The following SFRP1 variants were observed in gnomAD, a reference collection of about 807,000 sequenced individuals.
The protein encoded by SFRP1 is secreted frizzled-related protein 1.
In SFRP1, 9 loss-of-function variants were observed where a neutral mutation model predicts 25.9. The observed-to-expected ratio is 0.35, with a 90% CI of 0.21 to 0.61. The LOEUF (loss-of-function observed/expected upper bound fraction) is 0.61, where lower values mean the gene tolerates loss of function less well. Among genes scored for constraint, SFRP1 ranks in the 20% least tolerant of loss-of-function variants. The pLI is 0.78. For synonymous variants in SFRP1, 178 were observed against 174.0 expected, an observed-to-expected ratio of 1.02 and a Z score of -0.18; for missense variants, 346 against 418.2, an observed-to-expected ratio of 0.83 and a Z score of 1.51.
intron 2 of SFRP1, among the ~76,000 whole-genome samples, chr8:41,276,515 C>T (rs762919101): frequency 1.3e-5 from 2 of 152,186 alleles, no homozygotes; most frequent in Admixed American, 6.5e-5. Context: ...ATCATTAATT[C>T]GTTTAGCAGA....
intron 2 of SFRP1, among the ~76,000 whole-genome samples, chr8:41,292,939 G>A (rs994011370): frequency 2.6e-5 from 4 of 152,322 alleles, no homozygotes; most frequent in Admixed American, 2.0e-4. Context: ...TCAGCTCTTA[G>A]TGCCTCTACA....
chr8:41,308,462 G>A lies in SFRP1; in HGVS notation c.544+154C>T, dbSNP rs1804025661. ...ACCTGGGACAGACCAGACGCGCTTA[G>A]GAATCACGTGCACAGCATGCGAGCA... On this transcript the variant is annotated intron_variant, in intron 1 of 2. Transcript: ENST00000220772. 1.3e-5 allele frequency among the ~76,000 whole-genome samples: 2 copies of A among 152,354 alleles called. 1 individual carries two copies. The highest frequency in any genetic ancestry group is 2.9e-5 in the Non-Finnish European group (2 of 68,040).
At position 41,309,094 on chromosome 8, in the gene SFRP1, G is replaced by A; in HGVS notation, c.66C>T (p.Gly22=). Residue 22 remains glycine (G), a synonymous_variant, in exon 1 of 3, where the codon GGC becomes GGT. Transcript: ENST00000220772. The part of the protein sequence containing the change: ...GAALGVLLAL[G]AALLAVGSAS... ...CCGAGCCCACGGCCAGAAGCGCCGC[G>A]CCCAGCGCCAGCAGCACGCCCAGGG... 1 of 1,579,952 alleles carries A rather than the reference G, an allele frequency of 6.3e-7. No individual in the cohort carries two copies. Among genetic ancestry groups the A allele is most frequent in the Non-Finnish European group, 8.5e-7 (1 of 1,171,240 alleles).
intron 2 of SFRP1, among the ~76,000 whole-genome samples, chr8:41,274,721 T>C (rs1803551073): frequency 6.6e-6 from 1 of 152,246 alleles, no homozygotes; most frequent in Non-Finnish European, 1.5e-5. Context: ...GGAAGGGAAC[T>C]GCATGCAGTT....
chr8:41,308,178 T>C (rs1804021869), intron 1 of SFRP1, among the ~76,000 whole-genome samples: 1 of 152,276 alleles, frequency 6.6e-6, no homozygotes, highest in African/African-American at 2.4e-5. Flanking sequence ...CTGAACTTTC[T>C]ACGCTTTGGG....
chr8:41,296,782 C>T (rs542689999), intron 2 of SFRP1, among the ~76,000 whole-genome samples: 5 of 152,154 alleles, frequency 3.3e-5, no homozygotes, highest in African/African-American at 4.8e-5. Context: ...AAAAGGAGAA[C>T]GCGTTAGGTA....
At position 41,279,775 on chromosome 8, in the gene SFRP1, C is replaced by CAAA. The variant is rs34101728; in HGVS notation, c.623-14289_623-14287dup. Among the ~76,000 whole-genome samples, 694 of 111,360 alleles carry CAAA rather than the reference C, an allele frequency of 6.2e-3. 7 individuals carry two copies. The highest frequency in any genetic ancestry group is 0.018 in the African/African-American group (630 of 34,186). The allele number at this position is 111,360 out of a possible 152,430, so 73.1% of individuals were successfully genotyped here. On this transcript the variant is annotated intron_variant, in intron 2 of 2. Transcript: ENST00000220772. ...GTTCCAAAGTACAAAGCTAAGAAAG[C>CAAA]AAAAAAAAAAAAAAACCTATGTCCA...
At chr8:41,293,579 T>A (rs985881401) in intron 2 of SFRP1, among the ~76,000 whole-genome samples, 8 of 152,004 alleles carry the variant, frequency 5.3e-5, no homozygotes, top group East Asian at 1.9e-4. Context: ...GACAGTTAGA[T>A]CCTCATCTTC....
chr8:41,300,865 C>T (rs182250712), intron 2 of SFRP1, among the ~76,000 whole-genome samples: 1 of 152,348 alleles, frequency 6.6e-6, no homozygotes, highest in East Asian at 1.9e-4. Context: ...TTGGCTCCCA[C>T]ATCTGGTGCT....
rs1803399809 is a variant in SFRP1, at chr8:41,263,587, A to G, written c.*1580T>C. ...GCATTGGCCCAGAGGGACAATCATA[A>G]ATGTCCTCAAAGTGTTGCAGAGAAT... On this transcript the variant is annotated 3_prime_UTR_variant, in exon 3 of 3. Coordinates refer to ENST00000220772, the MANE Select transcript of SFRP1 (RefSeq NM_003012.5). 2 of 152,236 alleles carry G rather than the reference A, an allele frequency of 1.3e-5. No homozygotes were observed. Among genetic ancestry groups the G allele is most frequent in the African/African-American group, 4.8e-5 (2 of 41,464 alleles). The allele number at this position is 152,236 out of a possible 1,614,324, so 9.4% of individuals were successfully genotyped here. A position where few individuals can be genotyped will look rare whatever the true frequency, so the allele number is the denominator to read the frequency against.
intron 1 of SFRP1, among the ~76,000 whole-genome samples, chr8:41,305,627 G>A (rs183066061): frequency 1.3e-5 from 2 of 152,290 alleles, no homozygotes; most frequent in East Asian, 3.9e-4. Context: ...TCTGAGAGGT[G>A]GAACTAAATC....
At chr8:41,268,489 A>G (rs1048656777) in intron 2 of SFRP1, among the ~76,000 whole-genome samples, 1 of 152,226 alleles carries the variant, frequency 6.6e-6, no homozygotes, top group Non-Finnish European at 1.5e-5. Context: ...GTGTAAAGGA[A>G]TGTAGTTTAC....
chr8:41,306,488 C>G (rs987371308), intron 1 of SFRP1, among the ~76,000 whole-genome samples: 1 of 146,264 alleles, frequency 6.8e-6, no homozygotes, highest in Non-Finnish European at 1.5e-5. Flanking sequence ...CCTACACACA[C>G]ACACACACAC....
At chr8:41,304,077 C>G (rs1350091012) in intron 1 of SFRP1, among the ~76,000 whole-genome samples, 1 of 152,166 alleles carries the variant, frequency 6.6e-6, no homozygotes, top group Non-Finnish European at 1.5e-5. Context: ...TCCAAAAGGG[C>G]CACCGCAGCA....
Position 41,262,847 on chromosome 8 carries a change from A to AGCTG in SFRP1, c.*2316_*2319dup, listed in dbSNP as rs1327415673. 1 of 152,336 alleles carries AGCTG rather than the reference A, an allele frequency of 6.6e-6. No individual in the cohort carries two copies. Among genetic ancestry groups the AGCTG allele is most frequent in the East Asian group, 1.9e-4 (1 of 5,188 alleles). The allele number at this position is 152,336 out of a possible 1,614,324, so 9.4% of individuals were successfully genotyped here. A position where few individuals can be genotyped will look rare whatever the true frequency, so the allele number is the denominator to read the frequency against. ...GAAATTGCTGATGTGACAGAGACAA[A>AGCTG]GCTGCTATGGGTCTAAAACCTTCAA... On this transcript the variant is annotated 3_prime_UTR_variant, in exon 3 of 3. Coordinates refer to ENST00000220772, the MANE Select transcript of SFRP1 (RefSeq NM_003012.5).
chr8:41,262,277 T>C lies in SFRP1; in HGVS notation c.*2890A>G, dbSNP rs1803384979. On this transcript the variant is annotated 3_prime_UTR_variant, in exon 3 of 3. Coordinates refer to ENST00000220772, the MANE Select transcript of SFRP1 (RefSeq NM_003012.5). ...GGCCAGTATGTTATTCCCTGCAGGC[T>C]GCCTAGGGTGCTCTCCTCAAACAGA... The C allele has an allele frequency of 6.6e-6, 1 of 152,206 alleles. No homozygotes were observed. The highest frequency in any genetic ancestry group is 2.4e-5 in the African/African-American group (1 of 41,454). The allele number at this position is 152,206 out of a possible 1,614,324, so 9.4% of individuals were successfully genotyped here.
chr8:41,276,659 G>A (rs1224332800), intron 2 of SFRP1, among the ~76,000 whole-genome samples: 3 of 152,126 alleles, frequency 2.0e-5, no homozygotes, highest in Non-Finnish European at 4.4e-5. Flanking sequence ...TAAACTAAAA[G>A]AACAAGATCC....
At chr8:41,285,704 C>A (rs1206184595) in intron 2 of SFRP1, among the ~76,000 whole-genome samples, 1 of 152,168 alleles carries the variant, frequency 6.6e-6, no homozygotes, top group Non-Finnish European at 1.5e-5. Flanking sequence ...AAATGCTGAG[C>A]CCCCGTGAGT....
chr8:41,303,052 T>TAAAA (rs397891660), intron 2 of SFRP1, among the ~76,000 whole-genome samples: 1 of 101,214 alleles, frequency 9.9e-6, no homozygotes, highest in African/African-American at 3.7e-5. Flanking sequence ...GGGTAGATGT[T>TAAAA]AAAAAAAAAA....
Sources: allele counts gnomAD v4.1 joint callset (sites outside exome capture counted in the v4.1 genomes callset), GRCh38; gene constraint gnomAD v4.1.1; transcripts MANE v1.5; gene names NCBI Gene and HGNC (gene_info 2026-07-23, HGNC 2026-07-21).